SHANK1: variants seen among roughly 807,000 people sequenced by gnomAD.
The protein encoded by SHANK1 is SH3 and multiple ankyrin repeat domains protein 1.
A neutral mutation model predicts 165.6 loss-of-function variants in SHANK1; 35 were observed. The ratio of observed to expected loss-of-function variants is 0.21; its 90% confidence interval spans 0.16 to 0.28. The LOEUF is 0.28. SHANK1 is among the 10% of genes least tolerant of loss of function. The pLI is 1.00. For missense variants in SHANK1, 2,681 were observed against 3,036.4 expected (o/e 0.88, Z 2.75); for synonymous variants, 1,428 against 1,384.8 (o/e 1.03, Z -0.69).
chr19:50,678,122 A>G (rs1438427135), intron 21 of SHANK1, among the ~76,000 whole-genome samples: 1 of 152,232 alleles, frequency 6.6e-6, no homozygotes, highest in Non-Finnish European at 1.5e-5. Context: ...ACCCATTTGG[A>G]TGATAATGAA....
chr19:50,698,029 T>G, intron 12 of SHANK1, 73 bp from the exon 13 acceptor site: 1 of 1,069,436 alleles, frequency 9.4e-7, no homozygotes, highest in Non-Finnish European at 1.4e-6. Flanking sequence ...CACACTCAAC[T>G]TAGAGCATTC....
In SHANK1 at chr19:50,668,923, G is replaced by A. The variant is rs577804387; in HGVS notation, c.3037C>T (p.Pro1013Ser). The change falls in exon 23 of 24, where the codon CCC becomes TCC. Residue 1013 changes from proline (P) to serine (S), a missense_variant. Around this residue, in one of 10 missense-constraint regions of SHANK1, gnomAD observed 1,713 missense variants for 1,630.2 expected, o/e 1.05. Coordinates refer to ENST00000293441, the MANE Select transcript of SHANK1 (RefSeq NM_016148.5). ...HHHHHAPPPQ[P>S]HHHHAHPPHP... Reference sequence around the variant, plus strand: ...GGGGGGTGGGCGTGGTGGTGGTGGGGCTGAGGGGGCGGGGCGTGGTGGTGG... The same window carrying A: ...GGGGGGTGGGCGTGGTGGTGGTGGGACTGAGGGGGCGGGGCGTGGTGGTGG... 6.9e-4 allele frequency: 529 copies of A among 769,932 alleles called. 5 individuals are homozygous for A. The South Asian group carries it at 0.011, about 16-fold the overall frequency. 47.7% of individuals were successfully genotyped at this position (769,932 alleles called of 1,614,324 possible).
At position 50,718,114 on chromosome 19, in the gene SHANK1, G is replaced by C. The variant is rs1428153085; in HGVS notation, c.-43-1152C>G. ...GTGGAGGGTACTGCTGACTTTGGGG[G>C]AGTGGGGATGGGCTGGGGGGTTGGG... On this transcript the variant is annotated intron_variant, in intron 1 of 23. Coordinates refer to ENST00000293441, the MANE Select transcript of SHANK1 (RefSeq NM_016148.5). The surrounding 1 kb of genome is among the most constrained non-coding windows in gnomAD (Gnocchi z 5.1). 6.6e-6 allele frequency among the ~76,000 whole-genome samples: 1 copy of C among 152,188 alleles called. No individual in the cohort carries two copies. Among genetic ancestry groups the C allele is most frequent in the African/African-American group, 2.4e-5 (1 of 41,438 alleles).
chr19:50,710,054 G>C (rs187617966), intron 8 of SHANK1, among the ~76,000 whole-genome samples: 2 of 152,298 alleles, frequency 1.3e-5, no homozygotes, highest in Admixed American at 1.3e-4. Context: ...GAAGGATGGA[G>C]CCTCAAAGAG....
In SHANK1 at chr19:50,659,792, C is replaced by T. The variant is rs1985120705; in HGVS notation, c.*2173G>A. On this transcript the variant is annotated 3_prime_UTR_variant, in exon 24 of 24. Transcript: ENST00000293441. ...CTCCTCCCCCCCCCACCCCCTACAC[C>T]CTCCCCAACCCCGCGGCACCCATCC... 7.0e-6 allele frequency among the ~76,000 whole-genome samples: 1 copy of T among 143,236 alleles called. No homozygotes were observed. Among genetic ancestry groups the T allele is most frequent in the African/African-American group, 2.6e-5 (1 of 39,112 alleles). 94.0% of individuals were successfully genotyped at this position (143,236 alleles called of 152,430 possible). A position where few individuals can be genotyped will look rare whatever the true frequency, so the allele number is the denominator to read the frequency against.
Position 50,670,694 on chromosome 19 carries a change from A to G in SHANK1, c.2674+1324T>C, listed in dbSNP as rs1305591048. Reference sequence around the variant, plus strand: ...CCTGTTCTGTAAACGCACCAGACTCAGCCCGACCTCAGGACCTTTGCAGAG... The same window carrying G: ...CCTGTTCTGTAAACGCACCAGACTCGGCCCGACCTCAGGACCTTTGCAGAG... On this transcript the variant is annotated intron_variant, in intron 22 of 23. Transcript: ENST00000293441. This position sits in a 1 kb window ranked among gnomAD's most constrained non-coding sequence, Gnocchi z 4.1. Among the ~76,000 whole-genome samples the G allele has an allele frequency of 6.6e-6, 1 of 152,168 alleles. No individual in the cohort carries two copies. The highest frequency in any genetic ancestry group is 1.5e-5 in the Non-Finnish European group (1 of 68,038).
intron 18 of SHANK1, 93 bp downstream of exon 18, chr19:50,687,830 G>T: frequency 6.6e-7 from 1 of 1,524,774 alleles, no homozygotes. Flanking sequence ...GCTAGGGAAG[G>T]GAAGGCCTTG....
At chr19:50,685,634 G>C (rs1986307511) in intron 21 of SHANK1, among the ~76,000 whole-genome samples, 1 of 152,194 alleles carries the variant, frequency 6.6e-6, no homozygotes, top group Non-Finnish European at 1.5e-5. Flanking sequence ...TGAGGCAGGA[G>C]AATCGCTTGA....
At chr19:50,687,529 C>T in intron 19 of SHANK1, 53 bp downstream of exon 19, 1 of 1,405,970 alleles carries the variant, frequency 7.1e-7, no homozygotes, top group South Asian at 1.3e-5. Flanking sequence ...ATGGTCCAGC[C>T]CTCCTTCCCC....
intron 7 of SHANK1, among the ~76,000 whole-genome samples, chr19:50,711,728 C>A (rs1010924097): frequency 6.6e-6 from 1 of 152,234 alleles, no homozygotes; most frequent in African/African-American, 2.4e-5. Flanking sequence ...GTCAAGAGGA[C>A]AGCCCATCCC....
rs1291236971 is a variant in SHANK1 at position 50,666,979 on chromosome 19, G to A, written c.4981C>T (p.Pro1661Ser). ...GGCGGAGGGTCCGGGCCAGGCTGTG[G>A]GGCAGCGGGAGCCGGTGCTGCTGGG... ...PAPAAPAPAA[P>S]QPGPDPPPGT... Residue 1661 changes from proline (P) to serine (S), a missense_variant, in exon 23 of 24, where the codon CCA (proline) becomes TCA (serine). By Grantham distance (74) the Pro-to-Ser change is moderately conservative. Around this residue, in one of 10 missense-constraint regions of SHANK1, gnomAD observed 1,713 missense variants for 1,630.2 expected, o/e 1.05. Coordinates refer to ENST00000293441, the MANE Select transcript of SHANK1 (RefSeq NM_016148.5). The A allele has an allele frequency of 1.7e-5, 27 of 1,580,910 alleles. No homozygotes were observed. In the East Asian group the frequency reaches 6.1e-4, roughly 36 times the overall value.
In SHANK1 at chr19:50,697,332, C is replaced by T. The variant is rs72626242; in HGVS notation, c.1938-210G>A. Reference sequence around the variant, plus strand: ...CAGACATAAGAGCGCCCCGGCCCCCCCAGGCATCCCCACCCTGCCCTGACC... The same window carrying T: ...CAGACATAAGAGCGCCCCGGCCCCCTCAGGCATCCCCACCCTGCCCTGACC... On this transcript the variant is annotated intron_variant, in intron 14 of 23. Coordinates refer to ENST00000293441, the MANE Select transcript of SHANK1 (RefSeq NM_016148.5). This position sits in a 1 kb window ranked among gnomAD's most constrained non-coding sequence, Gnocchi z 4.7. 6.6e-6 allele frequency among the ~76,000 whole-genome samples: 1 copy of T among 152,178 alleles called. No individual in the cohort carries two copies. The highest frequency in any genetic ancestry group is 1.9e-4 in the East Asian group (1 of 5,196).
chr19:50,678,068 GT>G (rs1479293217), intron 21 of SHANK1, among the ~76,000 whole-genome samples: 1 of 152,162 alleles, frequency 6.6e-6, no homozygotes, highest in African/African-American at 2.4e-5. Context: ...TTTTTCGTAT[GT>G]GTCCTCACTG....
Position 50,688,005 on chromosome 19 carries a change from G to A in SHANK1, c.2226C>T (p.Ile742=). Residue 742 remains isoleucine, a synonymous_variant, in exon 18 of 24, where the codon ATC becomes ATT. Coordinates refer to ENST00000293441, the MANE Select transcript of SHANK1 (RefSeq NM_016148.5). This position sits in a 1 kb window ranked among gnomAD's most constrained non-coding sequence, Gnocchi z 6.7. ...CCATCAGCGTGTTGCCCCCTTGGCG[G>A]ATCATGTTCACCACCTGTCGGTGGC... ...KVGHRQVVNM[I]RQGGNTLMVK... is the part of the protein sequence containing the mutation. The A allele has an allele frequency of 1.2e-6, 2 of 1,614,158 alleles. No homozygotes were observed. The highest frequency in any genetic ancestry group is 1.7e-6 in the Non-Finnish European group (2 of 1,180,004).
In SHANK1 at chr19:50,715,523, G is replaced by A. The variant is rs1000172678; in HGVS notation, c.531+136C>T. On this transcript the variant is annotated intron_variant, in intron 4 of 23. Transcript: ENST00000293441. ...GTGGTACAGCATCCCAAGTTAAGCG[G>A]GGGCAGTGGCCAGAGGGATCGCTGG... 37 of 762,670 alleles carry A rather than the reference G, an allele frequency of 4.9e-5. No individual in the cohort carries two copies. In the African/African-American group the frequency reaches 6.2e-4, roughly 13 times the overall value. The allele number at this position is 762,670 out of a possible 1,614,324, so 47.2% of individuals were successfully genotyped here.
At position 50,662,195 on chromosome 19, in the gene SHANK1, G is replaced by C; in HGVS notation, c.6256C>G (p.Pro2086Ala). The C allele has an allele frequency of 6.2e-7, 1 of 1,609,882 alleles. No individual in the cohort carries two copies. Among genetic ancestry groups the C allele is most frequent in the South Asian group, 1.1e-5 (1 of 90,862 alleles). The change falls in exon 24 of 24, where the codon CCG (proline) becomes GCG (alanine). Residue 2086 changes from proline (P) to alanine (A), a missense_variant. Pro to Ala is a conservative substitution (Grantham distance 27). Around this residue, in one of 10 missense-constraint regions of SHANK1, gnomAD observed 1,713 missense variants for 1,630.2 expected, o/e 1.05. Transcript: ENST00000293441. The surrounding 1 kb of genome is among the most constrained non-coding windows in gnomAD (Gnocchi z 7.7). Reference sequence around the variant, plus strand: ...GGTTTAGCGCCAAACGGCTTGTCCGGGGGCAGCGAGAGCAGGCGGGTCGGT... The same window carrying C: ...GGTTTAGCGCCAAACGGCTTGTCCGCGGGCAGCGAGAGCAGGCGGGTCGGT... ...LSPTRLLSLPPDKPFGAKPLG... is the reference protein window; with the variant it reads ...LSPTRLLSLPADKPFGAKPLG...
At position 50,662,990 on chromosome 19, in the gene SHANK1, C is replaced by G; in HGVS notation, c.5769-308G>C. ...ACCGCTTACTGATGCTCACGTGTGC[C>G]AGGCATTGTTCTAAGTGCTTTACAT... On this transcript the variant is annotated intron_variant, in intron 23 of 23. Coordinates refer to ENST00000293441, the MANE Select transcript of SHANK1 (RefSeq NM_016148.5). This position sits in a 1 kb window ranked among gnomAD's most constrained non-coding sequence, Gnocchi z 7.7. 7.1e-6 allele frequency: 3 copies of G among 423,928 alleles called. No individual in the cohort carries two copies. Among genetic ancestry groups the G allele is most frequent in the Non-Finnish European group, 1.3e-5 (3 of 232,022 alleles). The allele number at this position is 423,928 out of a possible 1,614,324, so 26.3% of individuals were successfully genotyped here. A position where few individuals can be genotyped will look rare whatever the true frequency, so the allele number is the denominator to read the frequency against.
In SHANK1 at chr19:50,697,326, G is replaced by C. The variant is rs1335114923; in HGVS notation, c.1938-204C>G. ...GCCAGCCAGACATAAGAGCGCCCCG[G>C]CCCCCCCAGGCATCCCCACCCTGCC... On this transcript the variant is annotated intron_variant, in intron 14 of 23. Transcript: ENST00000293441. This position sits in a 1 kb window ranked among gnomAD's most constrained non-coding sequence, Gnocchi z 4.7. Among the ~76,000 whole-genome samples, 1 of 149,046 alleles carries C rather than the reference G, an allele frequency of 6.7e-6. No homozygotes were observed. The highest frequency in any genetic ancestry group is 6.7e-5 in the Admixed American group (1 of 15,010).
rs1054162432 is a variant in SHANK1 at position 50,717,042 on chromosome 19, G to T, written c.-43-80C>A. Reference sequence around the variant, plus strand: ...GCAGGCGCTATTCGGTGGTCAAGCGGTCAAGGGCAGCCTACCCCCACTGCC... The same window carrying T: ...GCAGGCGCTATTCGGTGGTCAAGCGTTCAAGGGCAGCCTACCCCCACTGCC... On this transcript the variant is annotated intron_variant, in intron 1 of 23. Coordinates refer to ENST00000293441, the MANE Select transcript of SHANK1 (RefSeq NM_016148.5). The surrounding 1 kb of genome is among the most constrained non-coding windows in gnomAD (Gnocchi z 5.5). 7 of 1,211,024 alleles carry T rather than the reference G, an allele frequency of 5.8e-6. No individual in the cohort carries two copies. The highest frequency in any genetic ancestry group is 7.5e-6 in the Non-Finnish European group (7 of 930,344). The allele number at this position is 1,211,024 out of a possible 1,614,324, so 75.0% of individuals were successfully genotyped here.
Sources: gnomAD v4.1 joint callset for allele counts (sites outside exome capture counted in the v4.1 genomes callset) on GRCh38, gnomAD v4.1.1 for gene constraint, gnomAD v4.1.1 regional missense constraint, Gnocchi (gnomAD v3.1) non-coding constraint, MANE v1.5 for transcripts, NCBI Gene and HGNC (gene_info 2026-07-23, HGNC 2026-07-21) for gene names.